Variants in EFR3B observed in about 807,000 individuals in gnomAD.
The protein encoded by EFR3B is protein EFR3 homolog B.
Under a neutral mutation model 104.7 loss-of-function variants are expected in EFR3B, and 64 were observed. The observed-to-expected ratio is 0.61, with a 90% CI of 0.50 to 0.75. The LOEUF is 0.75. EFR3B is among the 30% of genes least tolerant of loss of function. The pLI is 0.00. For missense variants in EFR3B, 750 were observed against 1,078.5 expected (o/e 0.70, Z 4.27); for synonymous variants, 385 against 417.9 (o/e 0.92, Z 0.96).
intron 1 of EFR3B, among the ~76,000 whole-genome samples, chr2:25,054,468 GCTGCCACCA>G (rs1667966458): frequency 6.6e-6 from 1 of 151,810 alleles, no homozygotes; most frequent in Admixed American, 6.6e-5. Flanking sequence ...ATTACAGGCA[GCTGCCACCA>G]CTCCCAGCTA....
chr2:25,141,304 G>T (rs969607778), intron 16 of EFR3B, 62 bp from the exon 17 acceptor site: 1 of 1,528,060 alleles, frequency 6.5e-7, no homozygotes, highest in Non-Finnish European at 8.8e-7. Context: ...GAGCTCTTTC[G>T]TTGCCTGTGA....
Position 25,088,124 on chromosome 2 carries a change from C to T in EFR3B, c.8-3201C>T, listed in dbSNP as rs546105229. Among the ~76,000 whole-genome samples, 3 of 151,452 alleles carry T rather than the reference C, an allele frequency of 2.0e-5. No individual in the cohort carries two copies. The East Asian group carries it at 5.8e-4, about 29-fold the overall frequency. ...CCCTTAAGCTTCACCTCCTCTTCCC[C>T]TACCGCATGGCAGCCACTCCACTAG... On this transcript the variant is annotated intron_variant, in intron 1 of 22. Coordinates refer to ENST00000403714, the MANE Select transcript of EFR3B (RefSeq NM_014971.2).
chr2:25,045,739 C>T (rs1445421937), intron 1 of EFR3B, among the ~76,000 whole-genome samples: 6 of 151,326 alleles, frequency 4.0e-5, no homozygotes, highest in Non-Finnish European at 7.4e-5. Context: ...CTGAGATTGG[C>T]GCCACTGCAC....
chr2:25,051,271 C>G (rs1667861030), intron 1 of EFR3B, among the ~76,000 whole-genome samples: 1 of 152,074 alleles, frequency 6.6e-6, no homozygotes, highest in African/African-American at 2.4e-5. Context: ...GCCACCATGT[C>G]TGGCTAATTT....
chr2:25,128,928 T>C (rs980078234), intron 6 of EFR3B, among the ~76,000 whole-genome samples: 4 of 114,410 alleles, frequency 3.5e-5, no homozygotes, highest in Non-Finnish European at 4.9e-5. Context: ...CCGCTGCACT[T>C]ACAGCCTGGG....
At chr2:25,065,801 G>A (rs1047628142) in intron 1 of EFR3B, among the ~76,000 whole-genome samples, 1 of 152,116 alleles carries the variant, frequency 6.6e-6, no homozygotes, top group Non-Finnish European at 1.5e-5. Context: ...CCTCTGCTCT[G>A]GGCTGTTCCC....
chr2:25,122,128 G>A (rs966049629), intron 5 of EFR3B, among the ~76,000 whole-genome samples: 6 of 152,078 alleles, frequency 3.9e-5, no homozygotes, highest in African/African-American at 4.8e-5. Context: ...CACCACGCCC[G>A]GCTAATATTT....
chr2:25,111,379 T>C (rs1669720907), intron 4 of EFR3B, among the ~76,000 whole-genome samples: 1 of 150,802 alleles, frequency 6.6e-6, no homozygotes, highest in African/African-American at 2.4e-5. Flanking sequence ...CTCCCTGGGA[T>C]CGTGCCCATT....
At chr2:25,045,244 G>C (rs1573156867) in intron 1 of EFR3B, among the ~76,000 whole-genome samples, 1 of 152,174 alleles carries the variant, frequency 6.6e-6, no homozygotes, top group Admixed American at 6.5e-5. Flanking sequence ...AAGCCGCTGA[G>C]CCACTTCCCT....
chr2:25,142,250 C>T (rs1246120253), intron 17 of EFR3B, among the ~76,000 whole-genome samples: 1 of 152,100 alleles, frequency 6.6e-6, no homozygotes, highest in Non-Finnish European at 1.5e-5. Context: ...CGAGACCATC[C>T]TGGCCAACAT....
chr2:25,071,068 C>A (rs924438306), intron 1 of EFR3B, among the ~76,000 whole-genome samples: 2 of 152,102 alleles, frequency 1.3e-5, no homozygotes, highest in Non-Finnish European at 2.9e-5. Context: ...TCATGCCATT[C>A]TCCTGCCTCA....
At chr2:25,092,665 C>T (rs868791015) in intron 2 of EFR3B, among the ~76,000 whole-genome samples, 12 of 151,964 alleles carry the variant, frequency 7.9e-5, no homozygotes, top group Middle Eastern at 6.3e-3. Flanking sequence ...TCTCCTGCCT[C>T]AGCCTCCTGA....
chr2:25,043,784 C>CT (rs1667643838), intron 1 of EFR3B, among the ~76,000 whole-genome samples: 1 of 152,018 alleles, frequency 6.6e-6, no homozygotes, highest in Non-Finnish European at 1.5e-5. Flanking sequence ...CTGTTTTCCC[C>CT]CTCTTCTTTT....
At position 25,158,521 on chromosome 2, in the gene EFR3B, C is replaced by A. The variant is rs1287124722; in HGVS notation, c.*4181C>A. 1 of 152,318 alleles carries A rather than the reference C, an allele frequency of 6.6e-6. No individual in the cohort carries two copies. The highest frequency in any genetic ancestry group is 1.5e-5 in the Non-Finnish European group (1 of 68,088). 9.4% of individuals were successfully genotyped at this position (152,318 alleles called of 1,614,324 possible). On this transcript the variant is annotated 3_prime_UTR_variant, in exon 23 of 23. Coordinates refer to ENST00000403714, the MANE Select transcript of EFR3B (RefSeq NM_014971.2). ...CCCTTACCCCAAATCTGGCCTAGGT[C>A]TGAAGACTGCAGGATAGTCATGATG... is the stretch of plus-strand genomic sequence containing the variant.
chr2:25,049,154 T>A (rs1450469357), intron 1 of EFR3B, among the ~76,000 whole-genome samples: 4 of 152,218 alleles, frequency 2.6e-5, no homozygotes, highest in Non-Finnish European at 4.4e-5. Flanking sequence ...CTCCCTATAC[T>A]CTCGAGAGCG....
chr2:25,065,699 C>A (rs914640216), intron 1 of EFR3B, among the ~76,000 whole-genome samples: 43 of 152,276 alleles, frequency 2.8e-4, no homozygotes, highest in Admixed American at 2.8e-3. Context: ...CTGCTTCTTC[C>A]TCTCTCAGCC....
At chr2:25,079,760 C>T (rs2149178651) in intron 1 of EFR3B, 1 of 555,476 alleles carries the variant, frequency 1.8e-6, no homozygotes, top group Non-Finnish European at 3.5e-6. Flanking sequence ...GAATTAAATG[C>T]AAACCAAATG....
Position 25,150,487 on chromosome 2 carries a change from C to G in EFR3B, c.2191+745C>G, listed in dbSNP as rs114237902. On this transcript the variant is annotated intron_variant, in intron 20 of 22. Transcript: ENST00000403714. ...TGATTTTAAAATGCATGTTACCTCTCTATCTGGATCATTGGACAACAACAG... is the reference window on the plus strand; with the variant it reads ...TGATTTTAAAATGCATGTTACCTCTGTATCTGGATCATTGGACAACAACAG... Among the ~76,000 whole-genome samples, 1,269 of 152,192 alleles carry G rather than the reference C, an allele frequency of 8.3e-3. 10 individuals carry two copies. The highest frequency in any genetic ancestry group is 0.03 in the African/African-American group (1,230 of 41,500).
chr2:25,142,944 TAAAAAAAAAAA>T (rs767559729), intron 17 of EFR3B, among the ~76,000 whole-genome samples: 2 of 109,288 alleles, frequency 1.8e-5, no homozygotes, highest in East Asian at 2.6e-4. Context: ...ACCCTGTCTT[TAAAAAAAAAAA>T]AAAAAAAAAA....
Sources: allele counts gnomAD v4.1 joint callset (sites outside exome capture counted in the v4.1 genomes callset), GRCh38; gene constraint gnomAD v4.1.1; transcripts MANE v1.5; gene names NCBI Gene and HGNC (gene_info 2026-07-23, HGNC 2026-07-21).